AKAP6: variants seen among roughly 807,000 people sequenced by gnomAD.
AKAP6 encodes the protein A-kinase anchor protein 6.
A neutral mutation model predicts 188.5 loss-of-function variants in AKAP6; 58 were observed. The observed-to-expected ratio is 0.31, with a 90% confidence interval of 0.25 to 0.38. The LOEUF is 0.38. Among genes scored for constraint, AKAP6 ranks in the 10% least tolerant of loss-of-function variants. AKAP6 has a pLI of 1.00. For missense variants in AKAP6, 2,710 were observed against 2,740.0 expected (o/e 0.99, Z 0.24); for synonymous variants, 989 against 998.6 (o/e 0.99, Z 0.18).
intron 4 of AKAP6, among the ~76,000 whole-genome samples, chr14:32,573,105 C>T (rs1884564620): frequency 6.6e-6 from 1 of 151,764 alleles, no homozygotes; most frequent in African/African-American, 2.4e-5. Context: ...GTCAGGGAGG[C>T]AAAGAAAAGT....
chr14:32,585,585 T>C (rs924288981), intron 5 of AKAP6, among the ~76,000 whole-genome samples: 5 of 152,184 alleles, frequency 3.3e-5, no homozygotes, highest in Admixed American at 6.5e-5. Context: ...GAGCTTGGTT[T>C]CTTTCTTTAA....
At chr14:32,628,398 G>C (rs1268719744) in intron 7 of AKAP6, among the ~76,000 whole-genome samples, 4 of 152,010 alleles carry the variant, frequency 2.6e-5, no homozygotes, top group African/African-American at 9.7e-5. Flanking sequence ...ATGTTCTTTT[G>C]ATAGGTTGAT....
At chr14:32,824,862 AG>A in intron 13 of AKAP6, 47 bp downstream of exon 13, 1 of 1,462,996 alleles carries the variant, frequency 6.8e-7, no homozygotes, top group East Asian at 2.3e-5. Flanking sequence ...TATTGAGTTC[AG>A]GTCAGCAAAA....
At chr14:32,522,802 A>C (rs1881914456) in intron 2 of AKAP6, among the ~76,000 whole-genome samples, 1 of 152,222 alleles carries the variant, frequency 6.6e-6, no homozygotes, top group Admixed American at 6.5e-5. Context: ...GGGATCTAGA[A>C]CTAGAAATAC....
At chr14:32,817,540 C>G (rs2034418981) in intron 12 of AKAP6, among the ~76,000 whole-genome samples, 1 of 147,510 alleles carries the variant, frequency 6.8e-6, no homozygotes. Flanking sequence ...TATATAATGC[C>G]TTGGTTTGGG....
chr14:32,399,114 A>G (rs1359937672), intron 1 of AKAP6, among the ~76,000 whole-genome samples: 1 of 152,052 alleles, frequency 6.6e-6, no homozygotes, highest in Non-Finnish European at 1.5e-5. Flanking sequence ...TTGGCCTCCC[A>G]AAGTGCTAGG....
intron 1 of AKAP6, among the ~76,000 whole-genome samples, chr14:32,348,290 G>C (rs1887134521): frequency 1.3e-5 from 2 of 152,124 alleles, no homozygotes; most frequent in South Asian, 4.1e-4. Flanking sequence ...TGTAAAATTA[G>C]CACATTTTAA....
At chr14:32,397,640 A>G (rs966933648) in intron 1 of AKAP6, among the ~76,000 whole-genome samples, 1 of 152,164 alleles carries the variant, frequency 6.6e-6, no homozygotes, top group East Asian at 1.9e-4. Flanking sequence ...CACACTTCTA[A>G]GCACACTATA....
chr14:32,535,650 A>C lies in AKAP6; in HGVS notation c.421A>C (p.Ile141Leu). 6.2e-7 allele frequency: 1 copy of C among 1,614,230 alleles called. No homozygotes were observed. Among genetic ancestry groups the C allele is most frequent in the Non-Finnish European group, 8.5e-7 (1 of 1,180,010 alleles). Residue 141 changes from isoleucine (I) to leucine (L), a missense_variant, in exon 3 of 14, where the codon ATA (isoleucine) becomes CTA (leucine). Around this residue, in one of 2 missense-constraint regions of AKAP6, gnomAD observed 237 missense variants for 313.9 expected, o/e 0.76. Transcript: ENST00000280979. ...GCTGCTGTCTTACTCTGTCAACGTG[A>C]TAGTGGACATCCACGCAGTGCAGCT... ...LKLLSYSVNV[I>L]VDIHAVQLLW... is the part of the protein sequence containing the mutation.
At chr14:32,737,311 C>T (rs2031474696) in intron 11 of AKAP6, among the ~76,000 whole-genome samples, 1 of 151,972 alleles carries the variant, frequency 6.6e-6, no homozygotes, top group African/African-American at 2.4e-5. Context: ...TTTTCCTAGC[C>T]AGAATTTTAA....
intron 1 of AKAP6, among the ~76,000 whole-genome samples, chr14:32,360,187 G>A (rs1887612857): frequency 6.6e-6 from 1 of 151,814 alleles, no homozygotes; most frequent in South Asian, 2.1e-4. Flanking sequence ...GAGTGCAGTG[G>A]TGCAATCTTG....
In AKAP6 at chr14:32,779,406, T is replaced by C. The variant is rs1379194395; in HGVS notation, c.3588+5513T>C. Among the ~76,000 whole-genome samples, 4 of 64,902 alleles carry C rather than the reference T, an allele frequency of 6.2e-5. No individual in the cohort carries two copies. In the Admixed American group the frequency reaches 9.6e-4, roughly 16 times the overall value. 42.6% of individuals were successfully genotyped at this position (64,902 alleles called of 152,430 possible). On this transcript the variant is annotated intron_variant, in intron 12 of 13. Coordinates refer to ENST00000280979, the MANE Select transcript of AKAP6 (RefSeq NM_004274.5). ...GCCTGGGCAACAGAGTGAGACTCTG[T>C]CTCAGGACCAAAAAAAAAAAAAAAA...
intron 11 of AKAP6, among the ~76,000 whole-genome samples, chr14:32,753,915 G>A (rs1391768302): frequency 6.6e-6 from 1 of 151,986 alleles, no homozygotes; most frequent in African/African-American, 2.4e-5. Context: ...ATGCTGTTTT[G>A]ATTACTATAG....
chr14:32,768,003 G>A (rs1385499282), intron 11 of AKAP6, among the ~76,000 whole-genome samples: 1 of 152,066 alleles, frequency 6.6e-6, no homozygotes, highest in East Asian at 1.9e-4. Context: ...CTTAAGAACA[G>A]GTACATTTTA....
intron 1 of AKAP6, among the ~76,000 whole-genome samples, chr14:32,390,075 G>A (rs1048946761): frequency 4.6e-5 from 7 of 152,052 alleles, no homozygotes; most frequent in Middle Eastern, 3.4e-3. Flanking sequence ...CTGTTGGATT[G>A]GGTTAGTTTG....
At chr14:32,429,545 A>G (rs1890147646) in intron 1 of AKAP6, among the ~76,000 whole-genome samples, 1 of 152,346 alleles carries the variant, frequency 6.6e-6, no homozygotes, top group East Asian at 1.9e-4. Flanking sequence ...CTAAAAATTG[A>G]AAAATGTTTG....
chr14:32,522,893 A>G (rs1881919649), intron 2 of AKAP6, among the ~76,000 whole-genome samples: 1 of 152,348 alleles, frequency 6.6e-6, no homozygotes, highest in Non-Finnish European at 1.5e-5. Flanking sequence ...TTAATGGGGC[A>G]CTATTCACAA....
At chr14:32,589,067 C>A (rs559607303) in intron 5 of AKAP6, among the ~76,000 whole-genome samples, 1 of 152,252 alleles carries the variant, frequency 6.6e-6, no homozygotes, top group Non-Finnish European at 1.5e-5. Flanking sequence ...TCTCTCCCAG[C>A]ATCTCCATAG....
intron 7 of AKAP6, among the ~76,000 whole-genome samples, chr14:32,632,073 T>G (rs1318671681): frequency 6.6e-6 from 1 of 152,076 alleles, no homozygotes; most frequent in Non-Finnish European, 1.5e-5. Context: ...TTTGTTTGTC[T>G]GTTTGTTTGT....
Sources: allele counts gnomAD v4.1 joint callset (sites outside exome capture counted in the v4.1 genomes callset), GRCh38; gene constraint gnomAD v4.1.1; regional missense constraint gnomAD v4.1.1; transcripts MANE v1.5; gene names NCBI Gene and HGNC (gene_info 2026-07-23, HGNC 2026-07-21).